The following DOK5 variants were observed in gnomAD, a reference collection of about 807,000 sequenced individuals.
DOK5 encodes the protein docking protein 5.
Under a neutral mutation model 43.3 loss-of-function variants are expected in DOK5, and 27 were observed. That is an observed-to-expected ratio of 0.62 (90% CI 0.46 to 0.86). The LOEUF (loss-of-function observed/expected upper bound fraction) is 0.86. DOK5 is among the 40% of genes least tolerant of loss of function. The probability of loss-of-function intolerance (pLI) is 0.00; values close to 1 mark genes in which losing one functional copy is unlikely to be tolerated. For missense variants in DOK5, 373 were observed against 392.9 expected (o/e 0.95, Z 0.43); for synonymous variants, 146 against 140.1 (o/e 1.04, Z -0.30).
At chr20:54,546,929 G>A (rs1414625593) in intron 1 of DOK5, among the ~76,000 whole-genome samples, 3 of 152,104 alleles carry the variant, frequency 2.0e-5, no homozygotes, top group East Asian at 3.9e-4. Flanking sequence ...TTTTAATAGA[G>A]TTTTATTGGA....
intron 6 of DOK5, among the ~76,000 whole-genome samples, chr20:54,618,578 T>C (rs559024719): frequency 1.1e-4 from 17 of 152,050 alleles, no homozygotes; most frequent in South Asian, 4.2e-4. Context: ...CTCCTGACCT[T>C]GTGGTCTGCC....
At chr20:54,624,112 T>C (rs1209634847) in intron 6 of DOK5, among the ~76,000 whole-genome samples, 2 of 152,230 alleles carry the variant, frequency 1.3e-5, no homozygotes, top group Non-Finnish European at 2.9e-5. Context: ...CATAGCCTAG[T>C]ACTCAGCAGG....
At chr20:54,490,826 G>A (rs1230470908) in intron 1 of DOK5, among the ~76,000 whole-genome samples, 1 of 152,132 alleles carries the variant, frequency 6.6e-6, no homozygotes, top group African/African-American at 2.4e-5. Context: ...TTGACCTTGT[G>A]ATCCGCCCAC....
At chr20:54,500,578 T>TTTTTG (rs1982556871) in intron 1 of DOK5, among the ~76,000 whole-genome samples, 1 of 149,086 alleles carries the variant, frequency 6.7e-6, no homozygotes, top group African/African-American at 2.5e-5. Context: ...TTTTTTTTTT[T>TTTTTG]GAGATGGAGT....
intron 1 of DOK5, among the ~76,000 whole-genome samples, chr20:54,487,856 C>T (rs1462964091): frequency 6.6e-6 from 1 of 152,066 alleles, no homozygotes; most frequent in Admixed American, 6.6e-5. Context: ...ACAATGGATA[C>T]TGCTGTGATT....
At chr20:54,612,934 A>C (rs1422458049) in intron 6 of DOK5, among the ~76,000 whole-genome samples, 4 of 152,220 alleles carry the variant, frequency 2.6e-5, no homozygotes, top group Non-Finnish European at 5.9e-5. Flanking sequence ...TAAAATGGGA[A>C]GGGTAATAGT....
At chr20:54,553,282 G>A (rs867149730) in intron 1 of DOK5, among the ~76,000 whole-genome samples, 40 of 152,144 alleles carry the variant, frequency 2.6e-4, no homozygotes, top group African/African-American at 9.1e-4. Flanking sequence ...TGCAAGCTCC[G>A]CCTCCCGGGT....
chr20:54,592,430 G>A (rs944948797), intron 5 of DOK5, among the ~76,000 whole-genome samples: 1 of 152,060 alleles, frequency 6.6e-6, no homozygotes, highest in African/African-American at 2.4e-5. Context: ...CAAGCCAGTA[G>A]TATATGGATT....
In DOK5 at chr20:54,645,661, G is replaced by C. The variant is rs966338870; in HGVS notation, c.856+2083G>C. Among the ~76,000 whole-genome samples, 6 of 152,036 alleles carry C rather than the reference G, an allele frequency of 3.9e-5. No individual in the cohort carries two copies. The East Asian group carries it at 9.7e-4, about 25-fold the overall frequency. Reference sequence around the variant, plus strand: ...TGATGACGTGCACTCATAAGATGCAGATGATGGCCGGTTTTCATTTCATAT... The same window carrying C: ...TGATGACGTGCACTCATAAGATGCACATGATGGCCGGTTTTCATTTCATAT... On this transcript the variant is annotated intron_variant, in intron 7 of 7. Transcript: ENST00000262593.
intron 2 of DOK5, among the ~76,000 whole-genome samples, chr20:54,574,124 A>G (rs758623554): frequency 1.5e-4 from 23 of 152,150 alleles, no homozygotes; most frequent in Non-Finnish European, 3.2e-4. Context: ...ATCTGCTGCA[A>G]GTCTCTGTTG....
chr20:54,555,748 A>G lies in DOK5; in HGVS notation c.174+708A>G, dbSNP rs551694660. Among the ~76,000 whole-genome samples, 3 of 152,150 alleles carry G rather than the reference A, an allele frequency of 2.0e-5. No individual in the cohort carries two copies. The South Asian group carries it at 6.2e-4, about 32-fold the overall frequency. On this transcript the variant is annotated intron_variant, in intron 2 of 7. Transcript: ENST00000262593. ...GTTATTTTCATATGGAGAAAATACT[A>G]CTCTTTTGTCTATGAAGGAACTATG...
chr20:54,597,244 G>A (rs546288750), intron 5 of DOK5, among the ~76,000 whole-genome samples: 1 of 152,306 alleles, frequency 6.6e-6, no homozygotes, highest in Non-Finnish European at 1.5e-5. Context: ...CTTAGCTAGA[G>A]GTGATTTTGC....
At chr20:54,539,188 G>T (rs1023773948) in intron 1 of DOK5, among the ~76,000 whole-genome samples, 14 of 149,710 alleles carry the variant, frequency 9.4e-5, no homozygotes, top group Non-Finnish European at 1.9e-4. Context: ...TACTTGGGAG[G>T]CTGAGGCAGA....
intron 2 of DOK5, among the ~76,000 whole-genome samples, chr20:54,573,255 G>A (rs1985348805): frequency 6.6e-6 from 1 of 152,202 alleles, no homozygotes; most frequent in Non-Finnish European, 1.5e-5. Flanking sequence ...GTAGCTAGAG[G>A]AAGTGTTTCC....
intron 1 of DOK5, among the ~76,000 whole-genome samples, chr20:54,543,262 A>T (rs1984226902): frequency 8.3e-6 from 1 of 120,028 alleles, no homozygotes; most frequent in Non-Finnish European, 1.6e-5. Context: ...GAACTCATAC[A>T]TTTATATATC....
At chr20:54,629,800 C>A (rs1018184567) in intron 6 of DOK5, among the ~76,000 whole-genome samples, 19 of 152,138 alleles carry the variant, frequency 1.2e-4, no homozygotes, top group Admixed American at 1.0e-3. Flanking sequence ...AAAGTGATAC[C>A]CAGGCAGACA....
chr20:54,619,023 TTATATATATA>T lies in DOK5; in HGVS notation c.735+8542_735+8551del, dbSNP rs11468808. Among the ~76,000 whole-genome samples, 275 of 43,358 alleles carry T rather than the reference TTATATATATA, an allele frequency of 6.3e-3. 3 individuals carry two copies. The highest frequency in any genetic ancestry group is 0.061 in the East Asian group (53 of 862). The allele number at this position is 43,358 out of a possible 152,430, so 28.4% of individuals were successfully genotyped here. A position where few individuals can be genotyped will look rare whatever the true frequency, so the allele number is the denominator to read the frequency against. ...CAGAACAAGACCTTGTTTCAATAAA[TTATATATATA>T]TATATATATATATATATATATATAT... On this transcript the variant is annotated intron_variant, in intron 6 of 7. Transcript: ENST00000262593.
intron 1 of DOK5, among the ~76,000 whole-genome samples, chr20:54,502,678 A>G (rs1212714549): frequency 6.6e-6 from 1 of 152,182 alleles, no homozygotes; most frequent in Non-Finnish European, 1.5e-5. Flanking sequence ...CAAAAATAGT[A>G]TATATGCGCT....
chr20:54,647,517 A>G (rs1179902714), intron 7 of DOK5, among the ~76,000 whole-genome samples: 2 of 151,734 alleles, frequency 1.3e-5, no homozygotes, highest in East Asian at 1.9e-4. Flanking sequence ...GTTAAAAAAA[A>G]AAAAAACAAA....
Sources: allele counts gnomAD v4.1 joint callset (sites outside exome capture counted in the v4.1 genomes callset), GRCh38; gene constraint gnomAD v4.1.1; transcripts MANE v1.5; gene names NCBI Gene and HGNC (gene_info 2026-07-23, HGNC 2026-07-21).